The following ITK variants were observed in gnomAD, a reference collection of about 807,000 sequenced individuals.
ITK encodes IL2 inducible T cell kinase.
Under a neutral mutation model 87.6 loss-of-function variants are expected in ITK, and 45 were observed. That is an observed-to-expected ratio of 0.51 (90% CI 0.40 to 0.66). The LOEUF (loss-of-function observed/expected upper bound fraction) is 0.66, where lower values mean the gene tolerates loss of function less well. Among genes scored for constraint, ITK ranks in the 30% least tolerant of loss-of-function variants. The probability of loss-of-function intolerance (pLI) is 0.00; values close to 1 mark genes in which losing one functional copy is unlikely to be tolerated. For synonymous variants in ITK, 303 were observed against 273.6 expected, an observed-to-expected ratio of 1.11 and a Z score of -1.06; for missense variants, 605 against 766.3, an observed-to-expected ratio of 0.79 and a Z score of 2.48.
intron 5 of ITK, among the ~76,000 whole-genome samples, chr5:157,218,303 G>A (rs1204596158): frequency 1.3e-5 from 2 of 151,896 alleles, no homozygotes; most frequent in South Asian, 2.1e-4. Context: ...CCAGGAGTTC[G>A]AGACCAGCCT....
chr5:157,217,853 T>C lies in ITK; in HGVS notation c.455-14T>C, dbSNP rs964299428. On this transcript the variant is annotated splice_polypyrimidine_tract_variant and intron_variant, in intron 4 of 16. Transcript: ENST00000422843. ...TCATGCTCATTTTTTCTTTTCCTGT[T>C]TTTCTCTTTTCAGCTTCAAAGAAGC... 2.0e-5 allele frequency: 32 copies of C among 1,613,198 alleles called. No individual in the cohort carries two copies. Among genetic ancestry groups the C allele is most frequent in the Admixed American group, 1.5e-4 (9 of 59,988 alleles).
chr5:157,186,398 G>A (rs1489300849), intron 1 of ITK, among the ~76,000 whole-genome samples: 1 of 151,894 alleles, frequency 6.6e-6, no homozygotes, highest in Non-Finnish European at 1.5e-5. Context: ...GAGAGAGGCG[G>A]GCACGATGGC....
intron 4 of ITK, among the ~76,000 whole-genome samples, chr5:157,216,599 C>A (rs1754303363): frequency 6.6e-6 from 1 of 152,006 alleles, no homozygotes; most frequent in African/African-American, 2.4e-5. Context: ...TTTCTGCAAC[C>A]AGAACTGGCC....
intron 1 of ITK, among the ~76,000 whole-genome samples, chr5:157,201,400 G>T (rs566249619): frequency 1.4e-4 from 21 of 149,704 alleles, no homozygotes; most frequent in African/African-American, 5.2e-4. Flanking sequence ...TGGGTTCAAG[G>T]GATTCTCCTG....
At chr5:157,203,094 G>A (rs778939214) in intron 1 of ITK, among the ~76,000 whole-genome samples, 9 of 152,138 alleles carry the variant, frequency 5.9e-5, no homozygotes, top group Admixed American at 5.9e-4. Flanking sequence ...CTTCTTAGAT[G>A]CCCTTTCTCT....
intron 4 of ITK, among the ~76,000 whole-genome samples, chr5:157,216,393 T>C (rs1007039315): frequency 4.6e-5 from 7 of 152,150 alleles, no homozygotes; most frequent in Non-Finnish European, 8.8e-5. Context: ...GATTCAATGG[T>C]GTTGTGGAAA....
intron 8 of ITK, among the ~76,000 whole-genome samples, chr5:157,236,029 G>T (rs1003899455): frequency 1.3e-5 from 2 of 152,084 alleles, no homozygotes; most frequent in African/African-American, 4.8e-5. Flanking sequence ...CCTTCCAAAG[G>T]TCATTTTACA....
Position 157,252,746 on chromosome 5 carries a change from G to C in ITK, c.*68G>C. 1 of 1,265,674 alleles carries C rather than the reference G, an allele frequency of 7.9e-7. No homozygotes were observed. The highest frequency in any genetic ancestry group is 1.2e-5 in the South Asian group (1 of 83,884). 78.4% of individuals were successfully genotyped at this position (1,265,674 alleles called of 1,614,324 possible). ...AGGAAGGATATGTCCTCATTCCATAGAGCATTAGAAGCTGCCACCAGCCCA... is the reference window on the plus strand; with the variant it reads ...AGGAAGGATATGTCCTCATTCCATACAGCATTAGAAGCTGCCACCAGCCCA... On this transcript the variant is annotated 3_prime_UTR_variant, in exon 17 of 17. Coordinates refer to ENST00000422843, the MANE Select transcript of ITK (RefSeq NM_005546.4).
chr5:157,238,287 T>C (rs1754818108), intron 9 of ITK, 96 bp downstream of exon 9: 2 of 915,038 alleles, frequency 2.2e-6, no homozygotes, highest in South Asian at 2.7e-5. Flanking sequence ...GTGCAAGAGG[T>C]AGAGGCTCAC....
intron 11 of ITK, 27 bp downstream of exon 11, chr5:157,241,747 C>A: frequency 6.4e-7 from 1 of 1,571,322 alleles, no homozygotes; most frequent in Non-Finnish European, 8.8e-7. Flanking sequence ...GGAATGTAAA[C>A]TCATGTCCCT....
intron 5 of ITK, among the ~76,000 whole-genome samples, chr5:157,220,462 A>G (rs1300134636): frequency 6.6e-6 from 1 of 152,062 alleles, no homozygotes; most frequent in South Asian, 2.1e-4. Context: ...CTGGCTGCCT[A>G]CTAAGGCACC....
chr5:157,204,086 C>A (rs561156194), intron 1 of ITK, among the ~76,000 whole-genome samples: 2 of 152,320 alleles, frequency 1.3e-5, no homozygotes, highest in African/African-American at 4.8e-5. Context: ...TCACAGCTCA[C>A]TGCAGCCTGA....
At chr5:157,191,413 T>C (rs1042764652) in intron 1 of ITK, among the ~76,000 whole-genome samples, 2 of 152,180 alleles carry the variant, frequency 1.3e-5, no homozygotes, top group Non-Finnish European at 2.9e-5. Flanking sequence ...TAAATCAGCT[T>C]TGATTAATCT....
At chr5:157,217,990 C>T (rs926844475) in intron 5 of ITK, 83 bp downstream of exon 5, 27 of 1,227,956 alleles carry the variant, frequency 2.2e-5, no homozygotes, top group Admixed American at 8.4e-5. Flanking sequence ...TCCCCCTCTC[C>T]CCATAGTTTT....
chr5:157,217,715 G>A (rs536045356), intron 4 of ITK, 152 bp from the exon 5 acceptor site: 2 of 692,010 alleles, frequency 2.9e-6, no homozygotes, highest in African/African-American at 3.6e-5. Flanking sequence ...GCCAAGTCAG[G>A]TTTCACTGTG....
At chr5:157,219,986 A>G (rs30155) in intron 5 of ITK, among the ~76,000 whole-genome samples, 36,708 of 152,084 alleles carry the variant, frequency 0.24, 5,115 homozygotes, top group Non-Finnish European at 0.31. Flanking sequence ...TCATTGTTCT[A>G]GTTTCAACCG....
At chr5:157,244,240 A>C in intron 12 of ITK, 22 bp from the exon 13 acceptor site, 1 of 1,601,570 alleles carries the variant, frequency 6.2e-7, no homozygotes. Context: ...AGGCCATCTC[A>C]CCCCTTGTCT....
In ITK at chr5:157,186,410, C is replaced by T. The variant is rs373370270; in HGVS notation, c.138+5295C>T. 1.1e-4 allele frequency among the ~76,000 whole-genome samples: 16 copies of T among 151,318 alleles called. No individual in the cohort carries two copies. The East Asian group carries it at 2.1e-3, about 20-fold the overall frequency. ...AGAGAGAGAGGCGGGCACGATGGCCCATGCCTGTAATTCCAGCACTTTGGG... is the reference window on the plus strand; with the variant it reads ...AGAGAGAGAGGCGGGCACGATGGCCTATGCCTGTAATTCCAGCACTTTGGG... On this transcript the variant is annotated intron_variant, in intron 1 of 16. Coordinates refer to ENST00000422843, the MANE Select transcript of ITK (RefSeq NM_005546.4).
chr5:157,203,489 C>CCAAAGACAA (rs1250818426), intron 1 of ITK, among the ~76,000 whole-genome samples: 4 of 152,132 alleles, frequency 2.6e-5, no homozygotes, highest in Non-Finnish European at 5.9e-5. Context: ...AAAATGTCAG[C>CCAAAGACAA]AAATGGAGTT....
Sources: gnomAD v4.1 joint callset for allele counts (sites outside exome capture counted in the v4.1 genomes callset) on GRCh38, gnomAD v4.1.1 for gene constraint, MANE v1.5 for transcripts, NCBI Gene and HGNC (gene_info 2026-07-23, HGNC 2026-07-21) for gene names.